GRIK2: variants seen among roughly 807,000 people sequenced by gnomAD.
GRIK2 encodes glutamate receptor ionotropic, kainate 2.
A neutral mutation model predicts 100.3 loss-of-function variants in GRIK2; 32 were observed. The observed-to-expected ratio is 0.32, with a 90% CI of 0.24 to 0.43. The LOEUF (loss-of-function observed/expected upper bound fraction) is 0.43, where lower values mean the gene tolerates loss of function less well. GRIK2 is among the 20% of genes least tolerant of loss of function. The probability of loss-of-function intolerance (pLI) is 1.00; values close to 1 mark genes in which losing one functional copy is unlikely to be tolerated. For synonymous variants in GRIK2, 417 were observed against 389.4 expected (o/e 1.07, Z -0.83); for missense variants, 843 against 1,114.9 (o/e 0.76, Z 3.47).
Position 101,500,780 on chromosome 6 carries a change from C to G in GRIK2, c.115+101388C>G, listed in dbSNP as rs193290152. ...CTTCATGTTATTAATATTTCACAACCAGGGTTTAGATTCCAACTCAGCTCT... is the reference window on the plus strand; with the variant it reads ...CTTCATGTTATTAATATTTCACAACGAGGGTTTAGATTCCAACTCAGCTCT... On this transcript the variant is annotated intron_variant, in intron 2 of 16. Transcript: ENST00000369134. 6.6e-5 allele frequency among the ~76,000 whole-genome samples: 10 copies of G among 152,068 alleles called. No individual in the cohort carries two copies. The East Asian group carries it at 1.2e-3, about 18-fold the overall frequency.
intron 2 of GRIK2, among the ~76,000 whole-genome samples, chr6:101,547,225 A>G (rs1200204914): frequency 6.6e-6 from 1 of 152,218 alleles, no homozygotes; most frequent in African/African-American, 2.4e-5. Context: ...ATGTGAAATC[A>G]TGAAAACAAA....
chr6:101,832,071 A>C (rs555692089), intron 10 of GRIK2, among the ~76,000 whole-genome samples: 2 of 152,216 alleles, frequency 1.3e-5, no homozygotes, highest in East Asian at 3.9e-4. Flanking sequence ...ATTAAATCTC[A>C]TCAGGTTAAA....
intron 7 of GRIK2, among the ~76,000 whole-genome samples, chr6:101,773,056 G>A (rs1778504001): frequency 6.6e-6 from 1 of 152,150 alleles, no homozygotes; most frequent in Non-Finnish European, 1.5e-5. Context: ...ATGAGAAAGT[G>A]TATGTTCATA....
Position 101,648,505 on chromosome 6 carries a change from A to C in GRIK2, c.541+21868A>C, listed in dbSNP as rs545616215. Among the ~76,000 whole-genome samples, 9 of 152,200 alleles carry C rather than the reference A, an allele frequency of 5.9e-5. No individual in the cohort carries two copies. The East Asian group carries it at 1.7e-3, about 29-fold the overall frequency. ...GTAGAAATATTTTTCCTAAGTTATCATGGTTTCTCTGGGAAATGAATATAA... is the reference window on the plus strand; with the variant it reads ...GTAGAAATATTTTTCCTAAGTTATCCTGGTTTCTCTGGGAAATGAATATAA... On this transcript the variant is annotated intron_variant, in intron 4 of 16. Coordinates refer to ENST00000369134, the MANE Select transcript of GRIK2 (RefSeq NM_021956.5).
chr6:101,955,950 G>A lies in GRIK2; in HGVS notation c.2085+27318G>A, dbSNP rs117983884. ...CTTCTGCTTTATTCGAGTGTACTTT[G>A]CTCTTCTTTTTCCACTGCTTTATGT... On this transcript the variant is annotated intron_variant, in intron 14 of 16. Coordinates refer to ENST00000369134, the MANE Select transcript of GRIK2 (RefSeq NM_021956.5). 4.9e-3 allele frequency among the ~76,000 whole-genome samples: 739 copies of A among 151,756 alleles called. 7 individuals carry two copies. The highest frequency in any genetic ancestry group is 9.6e-3 in the South Asian group (46 of 4,802).
chr6:101,802,489 AG>A (rs770468067), intron 9 of GRIK2, 51 bp downstream of exon 9: 1 of 725,458 alleles, frequency 1.4e-6, no homozygotes, highest in Non-Finnish European at 2.3e-6. Flanking sequence ...CATATCTCAA[AG>A]AAGACAAATA....
intron 2 of GRIK2, among the ~76,000 whole-genome samples, chr6:101,406,900 A>G (rs561476576): frequency 2.0e-5 from 3 of 152,142 alleles, no homozygotes; most frequent in South Asian, 2.1e-4. Context: ...AATGCTTTTT[A>G]CCTCCTTTTC....
chr6:101,791,341 A>C (rs1393619969), intron 7 of GRIK2, among the ~76,000 whole-genome samples: 1 of 152,126 alleles, frequency 6.6e-6, no homozygotes, highest in East Asian at 1.9e-4. Context: ...TCTTGTGGGC[A>C]TTTAGTGCTA....
At chr6:101,836,263 A>T (rs1211406576) in intron 10 of GRIK2, among the ~76,000 whole-genome samples, 1 of 152,120 alleles carries the variant, frequency 6.6e-6, no homozygotes, top group East Asian at 1.9e-4. Context: ...AATGAATTTT[A>T]AAAATTTAAA....
In GRIK2 at chr6:101,523,247, C is replaced by T. The variant is rs117560041; in HGVS notation, c.116-98702C>T. ...CCATGATATTTTTGTCAACCTCCTC[C>T]CTCACCCAATTAACAAAACCCTTAT... is the stretch of plus-strand genomic sequence containing the variant. On this transcript the variant is annotated intron_variant, in intron 2 of 16. Transcript: ENST00000369134. 1.5e-3 allele frequency among the ~76,000 whole-genome samples: 223 copies of T among 152,178 alleles called. 2 individuals are homozygous for T. The East Asian group carries it at 0.033, about 22-fold the overall frequency.
chr6:101,817,058 G>A (rs1583203590), intron 9 of GRIK2, among the ~76,000 whole-genome samples: 1 of 152,038 alleles, frequency 6.6e-6, no homozygotes, highest in Non-Finnish European at 1.5e-5. Flanking sequence ...TTTCATTATT[G>A]ACTCTGAAAT....
intron 11 of GRIK2, among the ~76,000 whole-genome samples, chr6:101,868,451 G>T (rs564057125): frequency 6.6e-6 from 1 of 151,542 alleles, no homozygotes; most frequent in African/African-American, 2.4e-5. Context: ...GAAGCAGTGG[G>T]CCGAAAAATT....
intron 2 of GRIK2, among the ~76,000 whole-genome samples, chr6:101,475,450 A>G (rs534255480): frequency 1.3e-5 from 2 of 152,038 alleles, no homozygotes; most frequent in Non-Finnish European, 2.9e-5. Context: ...AAAGTTGTTT[A>G]GTACACTCTA....
intron 2 of GRIK2, among the ~76,000 whole-genome samples, chr6:101,498,613 G>A (rs1275796314): frequency 6.6e-6 from 1 of 151,118 alleles, no homozygotes; most frequent in Non-Finnish European, 1.5e-5. Context: ...TTTCTCTGAT[G>A]GCCAGTGATG....
intron 2 of GRIK2, among the ~76,000 whole-genome samples, chr6:101,593,915 C>T (rs1582790186): frequency 6.6e-6 from 1 of 151,552 alleles, no homozygotes; most frequent in African/African-American, 2.4e-5. Flanking sequence ...ATGAATATGC[C>T]TCCCCATGAA....
chr6:101,700,441 A>T (rs1320199595), intron 7 of GRIK2, among the ~76,000 whole-genome samples: 2 of 152,066 alleles, frequency 1.3e-5, no homozygotes, highest in African/African-American at 4.8e-5. Context: ...TAGGAAGAAG[A>T]TAATGGAAAG....
intron 2 of GRIK2, among the ~76,000 whole-genome samples, chr6:101,560,276 TTTTTATAA>T (rs1297679340): frequency 6.6e-6 from 1 of 152,112 alleles, no homozygotes; most frequent in African/African-American, 2.4e-5. Flanking sequence ...TTGAAAATAT[TTTTTATAA>T]TTTTATAACA....
intron 2 of GRIK2, among the ~76,000 whole-genome samples, chr6:101,511,841 T>TA (rs1774335087): frequency 6.6e-6 from 1 of 151,970 alleles, no homozygotes; most frequent in South Asian, 2.1e-4. Flanking sequence ...TGGAATTTTT[T>TA]ATGAACTCAC....
At chr6:101,626,748 T>C in intron 4 of GRIK2, 111 bp downstream of exon 4, 1 of 902,048 alleles carries the variant, frequency 1.1e-6, no homozygotes, top group Non-Finnish European at 1.7e-6. Context: ...GTTTTGAAAA[T>C]TCAGCTAAGG....
Sources: gnomAD v4.1 joint callset for allele counts (sites outside exome capture counted in the v4.1 genomes callset) on GRCh38, gnomAD v4.1.1 for gene constraint, MANE v1.5 for transcripts, NCBI Gene and HGNC (gene_info 2026-07-23, HGNC 2026-07-21) for gene names.